AOPEP: variants seen among roughly 807,000 people sequenced by gnomAD.
The protein encoded by AOPEP is aminopeptidase O.
A neutral mutation model predicts 98.1 loss-of-function variants in AOPEP; 77 were observed. The observed-to-expected ratio is 0.78, with a 90% CI of 0.65 to 0.95. The LOEUF (loss-of-function observed/expected upper bound fraction) is 0.95, where lower values mean the gene tolerates loss of function less well. Among genes scored for constraint, AOPEP ranks in the 40% least tolerant of loss-of-function variants. The pLI, the probability that AOPEP is intolerant of heterozygous loss-of-function variation, is 0.00. For missense variants in AOPEP, 1,024 were observed against 1,024.7 expected (o/e 1.00, Z 0.01); for synonymous variants, 346 against 365.3 (o/e 0.95, Z 0.60).
At chr9:95,101,467 G>C in the AOPEP span, 3 of 571,540 alleles carry the variant, frequency 5.2e-6, no homozygotes, top group Non-Finnish European at 9.4e-6. Flanking sequence ...CGGGCACCAG[G>C]AGTACCGAAG....
At chr9:95,137,899 G>C in the AOPEP span, among the ~76,000 whole-genome samples, 1 of 152,254 alleles carries the variant, frequency 6.6e-6, no homozygotes, top group East Asian at 1.9e-4. Context: ...GCACATGGCA[G>C]AGAGAGGAGA....
chr9:94,851,831 T>C (rs1436865617), intron 5 of AOPEP, among the ~76,000 whole-genome samples: 2 of 150,432 alleles, frequency 1.3e-5, no homozygotes, highest in East Asian at 3.9e-4. Flanking sequence ...TTAACCCCTC[T>C]CATGATTCCC....
chr9:95,139,602 G>C, the AOPEP span, among the ~76,000 whole-genome samples: 6 of 151,982 alleles, frequency 3.9e-5, no homozygotes, highest in South Asian at 1.2e-3. Context: ...TCCTGCGAGG[G>C]GTATTTAAGA....
chr9:94,985,490 C>A (rs1231302928), intron 11 of AOPEP, among the ~76,000 whole-genome samples: 1 of 152,112 alleles, frequency 6.6e-6, no homozygotes, highest in Non-Finnish European at 1.5e-5. Flanking sequence ...GACTAGTAGA[C>A]TTCTTATAGC....
At chr9:95,083,630 GCACACACAC>G (rs1288027130) in intron 16 of AOPEP, among the ~76,000 whole-genome samples, 1 of 145,700 alleles carries the variant, frequency 6.9e-6, no homozygotes, top group East Asian at 2.1e-4. Flanking sequence ...ACTGCATGCA[GCACACACAC>G]CACACACAGC....
At chr9:95,046,585 G>C (rs2065885427) in intron 13 of AOPEP, among the ~76,000 whole-genome samples, 1 of 152,232 alleles carries the variant, frequency 6.6e-6, no homozygotes, top group Non-Finnish European at 1.5e-5. Context: ...AAAGGGGAGT[G>C]TTGTGTGCTG....
At chr9:94,817,074 C>T (rs890429386) in intron 5 of AOPEP, among the ~76,000 whole-genome samples, 7 of 152,138 alleles carry the variant, frequency 4.6e-5, no homozygotes, top group Admixed American at 2.0e-4. Flanking sequence ...GATCATGGCT[C>T]GCTGCAGCCT....
At position 94,884,786 on chromosome 9, in the gene AOPEP, C is replaced by T. The variant is rs533067032; in HGVS notation, c.1365-39200C>T. Among the ~76,000 whole-genome samples, 56 of 146,298 alleles carry T rather than the reference C, an allele frequency of 3.8e-4. 1 individual carries two copies. The highest frequency in any genetic ancestry group is 1.2e-3 in the African/African-American group (48 of 39,184). On this transcript the variant is annotated intron_variant, in intron 5 of 16. Transcript: ENST00000375315. ...CAGCACTTTGGGAGGCCGAGGCGGGCGGATCACGAGGTCAGGAGATCGAGA... is the reference window on the plus strand; with the variant it reads ...CAGCACTTTGGGAGGCCGAGGCGGGTGGATCACGAGGTCAGGAGATCGAGA...
chr9:94,743,734 G>T (rs563239380), intron 1 of AOPEP, among the ~76,000 whole-genome samples: 1 of 152,144 alleles, frequency 6.6e-6, no homozygotes, highest in Non-Finnish European at 1.5e-5. Flanking sequence ...GGACCCGGGG[G>T]TGAGGACAGG....
At chr9:94,885,045 G>T (rs745795805) in intron 5 of AOPEP, among the ~76,000 whole-genome samples, 1 of 145,400 alleles carries the variant, frequency 6.9e-6, no homozygotes, top group Non-Finnish European at 1.5e-5. Context: ...CTGGTGCAAA[G>T]TGCTATATTA....
At chr9:95,067,856 G>A (rs969497101) in intron 14 of AOPEP, among the ~76,000 whole-genome samples, 6 of 152,086 alleles carry the variant, frequency 3.9e-5, no homozygotes, top group Non-Finnish European at 7.4e-5. Flanking sequence ...TAGCTCCCCA[G>A]TCCTAGGCAA....
rs1276515042 is a variant in AOPEP, at chr9:94,754,826, G to C, written c.-135-4823G>C. Among the ~76,000 whole-genome samples, 3 of 152,170 alleles carry C rather than the reference G, an allele frequency of 2.0e-5. No homozygotes were observed. The East Asian group carries it at 5.8e-4, about 29-fold the overall frequency. ...CACGTTGCTTTGTAGCTTGAAAGGA[G>C]AATGAAATTGTTTTCGTTGGGGTGA... is the stretch of plus-strand genomic sequence containing the variant. On this transcript the variant is annotated intron_variant, in intron 1 of 16. Transcript: ENST00000375315.
intron 7 of AOPEP, among the ~76,000 whole-genome samples, chr9:94,947,671 A>G (rs1299777348): frequency 6.6e-6 from 1 of 152,208 alleles, no homozygotes; most frequent in Non-Finnish European, 1.5e-5. Flanking sequence ...TGTCCTAAGC[A>G]TTCTATATAC....
chr9:94,964,353 C>T (rs1417585063), intron 9 of AOPEP, among the ~76,000 whole-genome samples: 1 of 152,144 alleles, frequency 6.6e-6, no homozygotes, highest in East Asian at 1.9e-4. Flanking sequence ...GGGCCTCCTG[C>T]GCTTACCCTG....
chr9:95,111,544 G>C, the AOPEP span: 9 of 1,614,008 alleles, frequency 5.6e-6, no homozygotes, highest in African/African-American at 1.3e-5. Context: ...TGGGGGGTTC[G>C]GCTGCCGACA....
the AOPEP span, chr9:95,114,739 G>C: frequency 6.3e-7 from 1 of 1,596,172 alleles, no homozygotes; most frequent in Non-Finnish European, 8.6e-7. Flanking sequence ...ACGTCAGAGG[G>C]CAACTGAGGA....
At position 94,895,950 on chromosome 9, in the gene AOPEP, G is replaced by C. The variant is rs553951289; in HGVS notation, c.1365-28036G>C. Among the ~76,000 whole-genome samples the C allele has an allele frequency of 1.6e-4, 25 of 152,290 alleles. No homozygotes were observed. The South Asian group carries it at 5.0e-3, about 30-fold the overall frequency. ...CATGCCACAACTGCAGAAATGAGTA[G>C]TTGTGACAGAGGTTGTATGTTATAA... is the stretch of plus-strand genomic sequence containing the variant. On this transcript the variant is annotated intron_variant, in intron 5 of 16. Coordinates refer to ENST00000375315, the MANE Select transcript of AOPEP (RefSeq NM_001193329.3).
At chr9:95,130,701 C>A in the AOPEP span, among the ~76,000 whole-genome samples, 1 of 152,168 alleles carries the variant, frequency 6.6e-6, no homozygotes, top group African/African-American at 2.4e-5. Flanking sequence ...TAGCTGTTTC[C>A]GAGCCACTGT....
At chr9:94,790,612 A>G (rs188286539) in intron 3 of AOPEP, among the ~76,000 whole-genome samples, 281 of 152,154 alleles carry the variant, frequency 1.8e-3, no homozygotes, top group Non-Finnish European at 3.0e-3. Flanking sequence ...CTCTCTTTCA[A>G]GTAACTCTCT....
Sources: gnomAD v4.1 joint callset for allele counts (sites outside exome capture counted in the v4.1 genomes callset) on GRCh38, gnomAD v4.1.1 for gene constraint, MANE v1.5 for transcripts, NCBI Gene and HGNC (gene_info 2026-07-23, HGNC 2026-07-21) for gene names.